The following IMMP2L variants were observed in gnomAD, a reference collection of about 807,000 sequenced individuals.
The protein encoded by IMMP2L is mitochondrial inner membrane protease subunit 2.
IMMP2L carries 18 observed loss-of-function variants against 19.3 expected under a neutral mutation model. The ratio of observed to expected loss-of-function variants is 0.93; its 90% CI spans 0.64 to 1.38. The LOEUF (loss-of-function observed/expected upper bound fraction) is 1.38, where lower values mean the gene tolerates loss of function less well. IMMP2L is among the 40% of genes most tolerant of loss of function. IMMP2L has a pLI of 0.00. For synonymous variants in IMMP2L, 76 were observed against 73.0 expected (o/e 1.04, Z -0.21); for missense variants, 233 against 218.2 (o/e 1.07, Z -0.43).
intron 3 of IMMP2L, among the ~76,000 whole-genome samples, chr7:111,039,767 C>T (rs1307671676): frequency 3.3e-5 from 5 of 152,138 alleles, no homozygotes; most frequent in Non-Finnish European, 7.4e-5. Context: ...TAATCGTGTG[C>T]AAATTTTACC....
chr7:110,759,098 T>C (rs1798201309), intron 5 of IMMP2L, among the ~76,000 whole-genome samples: 1 of 152,150 alleles, frequency 6.6e-6, no homozygotes, highest in African/African-American at 2.4e-5. Context: ...CTTGCCATTA[T>C]TTCCATGAGA....
intron 5 of IMMP2L, among the ~76,000 whole-genome samples, chr7:110,756,226 A>G (rs1364091609): frequency 1.3e-5 from 2 of 152,102 alleles, no homozygotes; most frequent in Non-Finnish European, 2.9e-5. Context: ...CTGATTAATC[A>G]GATGGTACAT....
chr7:111,505,622 A>G (rs1269741372), intron 2 of IMMP2L, among the ~76,000 whole-genome samples: 1 of 152,182 alleles, frequency 6.6e-6, no homozygotes, highest in Non-Finnish European at 1.5e-5. Context: ...CATATACACC[A>G]TGGAATACTA....
intron 3 of IMMP2L, among the ~76,000 whole-genome samples, chr7:111,242,746 T>C (rs117289722): frequency 0.02 from 3,060 of 151,960 alleles, 50 homozygotes; most frequent in Admixed American, 0.039. Flanking sequence ...ATGGCACAAC[T>C]AGATCATGAT....
At chr7:111,147,898 C>T (rs539409031) in intron 3 of IMMP2L, among the ~76,000 whole-genome samples, 1 of 152,210 alleles carries the variant, frequency 6.6e-6, no homozygotes, top group East Asian at 1.9e-4. Context: ...TTGCTAAGAA[C>T]AGTGAGCTTT....
At chr7:111,354,001 A>G (rs1202171912) in intron 3 of IMMP2L, among the ~76,000 whole-genome samples, 3 of 152,092 alleles carry the variant, frequency 2.0e-5, no homozygotes, top group Non-Finnish European at 4.4e-5. Flanking sequence ...GAGACATATA[A>G]TTGAAGTGGT....
intron 3 of IMMP2L, among the ~76,000 whole-genome samples, chr7:111,214,146 G>A (rs1415227506): frequency 6.6e-6 from 1 of 151,822 alleles, no homozygotes; most frequent in Non-Finnish European, 1.5e-5. Flanking sequence ...TCCCTTCCAA[G>A]GGTATCTTCT....
chr7:111,528,789 A>G (rs1040799326), intron 1 of IMMP2L, among the ~76,000 whole-genome samples: 3 of 152,198 alleles, frequency 2.0e-5, no homozygotes, highest in African/African-American at 7.2e-5. Flanking sequence ...GAGGAAAATA[A>G]TAAGTTATAA....
chr7:110,873,609 C>CAA (rs112177055), intron 5 of IMMP2L, among the ~76,000 whole-genome samples: 4 of 114,328 alleles, frequency 3.5e-5, no homozygotes, highest in Admixed American at 9.0e-5. Flanking sequence ...ACTAAAATTA[C>CAA]AAAAAAAAAA....
At chr7:110,784,247 T>C (rs1439564728) in intron 5 of IMMP2L, among the ~76,000 whole-genome samples, 1 of 151,944 alleles carries the variant, frequency 6.6e-6, no homozygotes, top group African/African-American at 2.4e-5. Context: ...GACCTTATTT[T>C]ACTTTTAATG....
intron 1 of IMMP2L, among the ~76,000 whole-genome samples, chr7:111,534,723 A>C (rs1400812069): frequency 3.3e-5 from 5 of 152,162 alleles, no homozygotes; most frequent in Admixed American, 1.3e-4. Flanking sequence ...TTCATACACA[A>C]TTTTCCCCAG....
At chr7:110,689,603 C>T (rs1216550204) in intron 5 of IMMP2L, among the ~76,000 whole-genome samples, 1 of 152,128 alleles carries the variant, frequency 6.6e-6, no homozygotes, top group Non-Finnish European at 1.5e-5. Flanking sequence ...TGTATACCTT[C>T]TCCTTAATAA....
intron 3 of IMMP2L, among the ~76,000 whole-genome samples, chr7:111,334,357 C>T (rs1202030614): frequency 9.2e-5 from 14 of 152,078 alleles, no homozygotes; most frequent in Middle Eastern, 6.8e-3. Flanking sequence ...AACAAAACGG[C>T]CTTCTGTTTC....
chr7:111,048,204 C>T (rs1235027009), intron 3 of IMMP2L, among the ~76,000 whole-genome samples: 5 of 133,010 alleles, frequency 3.8e-5, no homozygotes, highest in African/African-American at 1.5e-4. Flanking sequence ...TGAGCCACTG[C>T]ACTCCAGCTG....
chr7:111,252,998 T>A (rs890962074), intron 3 of IMMP2L, among the ~76,000 whole-genome samples: 6 of 152,164 alleles, frequency 3.9e-5, no homozygotes, highest in African/African-American at 1.4e-4. Context: ...TATAAAATGT[T>A]CATAGATTTT....
At chr7:111,249,876 G>A (rs1184741144) in intron 3 of IMMP2L, among the ~76,000 whole-genome samples, 1 of 152,038 alleles carries the variant, frequency 6.6e-6, no homozygotes, top group African/African-American at 2.4e-5. Context: ...CAACATTCCC[G>A]TTCAACACAG....
intron 4 of IMMP2L, among the ~76,000 whole-genome samples, chr7:110,920,649 T>A (rs559612695): frequency 6.6e-6 from 1 of 152,340 alleles, no homozygotes; most frequent in East Asian, 1.9e-4. Context: ...TTTATGTGCT[T>A]TACCAAGCTT....
chr7:111,279,690 T>C (rs1283175458), intron 3 of IMMP2L, among the ~76,000 whole-genome samples: 2 of 152,126 alleles, frequency 1.3e-5, no homozygotes, highest in Non-Finnish European at 2.9e-5. Flanking sequence ...TGCAAAAACA[T>C]GTGCTTTTAA....
chr7:111,284,394 G>A (rs928172917), intron 3 of IMMP2L, among the ~76,000 whole-genome samples: 9 of 152,066 alleles, frequency 5.9e-5, no homozygotes, highest in African/African-American at 2.2e-4. Flanking sequence ...GCCACCCATT[G>A]TGGCAGTTAG....
Sources: allele counts gnomAD v4.1 joint callset (sites outside exome capture counted in the v4.1 genomes callset), GRCh38; gene constraint gnomAD v4.1.1; transcripts MANE v1.5; gene names NCBI Gene and HGNC (gene_info 2026-07-23, HGNC 2026-07-21).